The following HS3ST5 variants were observed in gnomAD, a reference collection of about 807,000 sequenced individuals.
HS3ST5 encodes heparan sulfate-glucosamine 3-sulfotransferase 5.
A neutral mutation model predicts 25.4 loss-of-function variants in HS3ST5; 10 were observed. The observed-to-expected ratio is 0.39, with a 90% CI of 0.24 to 0.67. The LOEUF (loss-of-function observed/expected upper bound fraction) is 0.67, where lower values mean the gene tolerates loss of function less well. Ranked by LOEUF, HS3ST5 falls within the 30% of genes least tolerant of loss-of-function variation. The pLI, the probability that HS3ST5 is intolerant of heterozygous loss-of-function variation, is 0.44. For missense variants in HS3ST5, 324 were observed against 420.7 expected (o/e 0.77, Z 2.01); for synonymous variants, 170 against 162.4 (o/e 1.05, Z -0.36).
chr6:114,131,684 C>T (rs904922581), intron 3 of HS3ST5, among the ~76,000 whole-genome samples: 8 of 152,168 alleles, frequency 5.3e-5, no homozygotes, highest in African/African-American at 1.9e-4. Flanking sequence ...CCTAAGAAGT[C>T]AGAGACCTAC....
chr6:114,138,326 G>T (rs941836772), intron 3 of HS3ST5, among the ~76,000 whole-genome samples: 23 of 152,206 alleles, frequency 1.5e-4, no homozygotes, highest in African/African-American at 5.3e-4. Flanking sequence ...GATTAATTTT[G>T]TTCTCTAAAA....
intron 3 of HS3ST5, among the ~76,000 whole-genome samples, chr6:114,149,330 C>T (rs985174629): frequency 5.9e-5 from 9 of 152,114 alleles, no homozygotes; most frequent in Non-Finnish European, 1.2e-4. Context: ...TGAAACCAAC[C>T]CAAATGCCCA....
intron 1 of HS3ST5, among the ~76,000 whole-genome samples, chr6:114,295,426 G>T (rs1289455578): frequency 6.6e-6 from 1 of 152,180 alleles, no homozygotes; most frequent in Non-Finnish European, 1.5e-5. Flanking sequence ...GACCAAAGAT[G>T]GAGAAAGACT....
At chr6:114,208,453 C>T (rs1430063006) in intron 2 of HS3ST5, among the ~76,000 whole-genome samples, 1 of 152,120 alleles carries the variant, frequency 6.6e-6, no homozygotes, top group African/African-American at 2.4e-5. Context: ...GTACTAAATG[C>T]CAATGGTATC....
chr6:114,234,392 G>A (rs1771758505), intron 1 of HS3ST5, among the ~76,000 whole-genome samples: 1 of 151,344 alleles, frequency 6.6e-6, no homozygotes, highest in African/African-American at 2.4e-5. Context: ...ACTACACATA[G>A]TTCTCTTAAA....
At chr6:114,338,197 C>T (rs1458814957) in intron 1 of HS3ST5, among the ~76,000 whole-genome samples, 1 of 151,700 alleles carries the variant, frequency 6.6e-6, no homozygotes, top group Non-Finnish European at 1.5e-5. Flanking sequence ...ATGTATGGCA[C>T]AAAGGGATTC....
intron 1 of HS3ST5, among the ~76,000 whole-genome samples, chr6:114,329,046 G>A (rs548304274): frequency 1.4e-4 from 21 of 152,174 alleles, no homozygotes; most frequent in Admixed American, 5.9e-4. Context: ...TTGTAAATGC[G>A]TCATGATGGT....
intron 3 of HS3ST5, among the ~76,000 whole-genome samples, chr6:114,121,581 T>C (rs1776788105): frequency 3.3e-5 from 5 of 152,154 alleles, no homozygotes. Context: ...AAATTTTCTT[T>C]TTATAAAAAA....
At chr6:114,169,686 G>T (rs1401722022) in intron 2 of HS3ST5, among the ~76,000 whole-genome samples, 1 of 152,046 alleles carries the variant, frequency 6.6e-6, no homozygotes, top group East Asian at 1.9e-4. Context: ...TGATAAACTA[G>T]AATTATTTCC....
intron 4 of HS3ST5, chr6:114,059,693 C>T (rs1772983168): frequency 6.6e-6 from 1 of 152,356 alleles, no homozygotes; most frequent in African/African-American, 2.4e-5. Flanking sequence ...ACGTGCCTTG[C>T]TTCTTCTTTG....
At chr6:114,061,486 G>A (rs1562179565) in intron 4 of HS3ST5, among the ~76,000 whole-genome samples, 1 of 152,314 alleles carries the variant, frequency 6.6e-6, no homozygotes, top group East Asian at 1.9e-4. Context: ...CCACTGCTAT[G>A]TTATTTCTAA....
rs367902000 is a variant in HS3ST5 at position 114,058,013 on chromosome 6, G to A, written c.285C>T (p.Ile95=). ...DLVQQLPKAI[I]IGVRKGGTRA... ...TTGTGCCTCCTTTCCTCACCCCAAT[G>A]ATAATGGCCTTGGGGAGCTGCTGGA... Residue 95 remains isoleucine, a synonymous_variant, in exon 5 of 5, where the codon ATC becomes ATT. Coordinates refer to ENST00000312719, the MANE Select transcript of HS3ST5 (RefSeq NM_153612.4). 1.7e-4 allele frequency: 281 copies of A among 1,614,068 alleles called. No homozygotes were observed. The highest frequency in any genetic ancestry group is 8.5e-7 in the Non-Finnish European group (1 of 1,180,046).
At chr6:114,126,188 G>T (rs554509504) in intron 3 of HS3ST5, among the ~76,000 whole-genome samples, 55 of 152,232 alleles carry the variant, frequency 3.6e-4, no homozygotes, top group Admixed American at 3.1e-3. Context: ...CGCAAGCAAA[G>T]AATTCATTGT....
chr6:114,241,855 T>C (rs1772143511), intron 1 of HS3ST5, among the ~76,000 whole-genome samples: 1 of 152,176 alleles, frequency 6.6e-6, no homozygotes, highest in Non-Finnish European at 1.5e-5. Context: ...TTCCCAAAGA[T>C]CTTCATTAAG....
chr6:114,290,307 G>C (rs1774515933), intron 1 of HS3ST5, among the ~76,000 whole-genome samples: 1 of 152,098 alleles, frequency 6.6e-6, no homozygotes, highest in Non-Finnish European at 1.5e-5. Flanking sequence ...ACTAGTGCAG[G>C]CTGAGGAAGA....
At chr6:114,270,549 G>T (rs1425144385) in intron 1 of HS3ST5, among the ~76,000 whole-genome samples, 2 of 152,130 alleles carry the variant, frequency 1.3e-5, no homozygotes, top group African/African-American at 4.8e-5. Flanking sequence ...ACTGCAGAAA[G>T]CTTCATTTAA....
chr6:114,243,996 G>A (rs1355535261), intron 1 of HS3ST5, among the ~76,000 whole-genome samples: 1 of 152,222 alleles, frequency 6.6e-6, no homozygotes, highest in Admixed American at 6.5e-5. Context: ...GTAAGATGAG[G>A]AGAATACTAT....
chr6:114,183,613 A>G (rs1440916239), intron 2 of HS3ST5, among the ~76,000 whole-genome samples: 1 of 152,192 alleles, frequency 6.6e-6, no homozygotes, highest in East Asian at 1.9e-4. Flanking sequence ...GTGAAGTGCT[A>G]TTGTAACAAA....
intron 1 of HS3ST5, among the ~76,000 whole-genome samples, chr6:114,318,806 A>G (rs1417529681): frequency 6.6e-6 from 1 of 152,226 alleles, no homozygotes; most frequent in Non-Finnish European, 1.5e-5. Context: ...TATGAAGACT[A>G]ACTAAAATAT....
Sources: allele counts gnomAD v4.1 joint callset (sites outside exome capture counted in the v4.1 genomes callset), GRCh38; gene constraint gnomAD v4.1.1; transcripts MANE v1.5; gene names NCBI Gene and HGNC (gene_info 2026-07-23, HGNC 2026-07-21).